PRKCA: variants seen among roughly 807,000 people sequenced by gnomAD.
PRKCA encodes the protein protein kinase C alpha.
In PRKCA, 27 loss-of-function variants were observed where a neutral mutation model predicts 87.0. That is an observed-to-expected ratio of 0.31 (90% confidence interval 0.23 to 0.43). The LOEUF is 0.43. Ranked by LOEUF, PRKCA falls within the 20% of genes least tolerant of loss-of-function variation. The probability of loss-of-function intolerance (pLI) is 1.00; values close to 1 mark genes in which losing one functional copy is unlikely to be tolerated. For missense variants in PRKCA, 518 were observed against 852.3 expected, an observed-to-expected ratio of 0.61 and a Z score of 4.88; for synonymous variants, 329 against 311.1, an observed-to-expected ratio of 1.06 and a Z score of -0.61.
chr17:66,806,116 C>G lies in PRKCA; in HGVS notation c.*2079C>G, dbSNP rs1332829061. 6.6e-6 allele frequency: 1 copy of G among 152,250 alleles called. No homozygotes were observed. The highest frequency in any genetic ancestry group is 6.5e-5 in the Admixed American group (1 of 15,282). 9.4% of individuals were successfully genotyped at this position (152,250 alleles called of 1,614,324 possible). Reference sequence around the variant, plus strand: ...CCCCATGCAAGGTCCTCAGAGTAGCCGGGTTCTACCACAAACAGAAACAGA... The same window carrying G: ...CCCCATGCAAGGTCCTCAGAGTAGCGGGGTTCTACCACAAACAGAAACAGA... On this transcript the variant is annotated 3_prime_UTR_variant, in exon 17 of 17. Transcript: ENST00000413366.
chr17:66,491,384 G>A (rs1187620909), intron 2 of PRKCA, among the ~76,000 whole-genome samples: 4 of 152,178 alleles, frequency 2.6e-5, no homozygotes, highest in Non-Finnish European at 5.9e-5. Context: ...GCAAAGACTT[G>A]TTTAAGGGCC....
intron 2 of PRKCA, among the ~76,000 whole-genome samples, chr17:66,307,504 AAG>A (rs1904883347): frequency 6.6e-6 from 1 of 152,176 alleles, no homozygotes; most frequent in Non-Finnish European, 1.5e-5. Flanking sequence ...ATAAATCTAT[AAG>A]AAAATTTTTG....
chr17:66,474,240 G>C (rs1296851124), intron 2 of PRKCA, among the ~76,000 whole-genome samples: 6 of 152,146 alleles, frequency 3.9e-5, no homozygotes, highest in Non-Finnish European at 8.8e-5. Flanking sequence ...TAACACCGAT[G>C]GTGCTATTGA....
At chr17:66,652,112 C>T (rs1240126513) in intron 5 of PRKCA, among the ~76,000 whole-genome samples, 1 of 152,116 alleles carries the variant, frequency 6.6e-6, no homozygotes, top group Non-Finnish European at 1.5e-5. Context: ...GTGTGTGCCA[C>T]CATGCCCGGC....
chr17:66,637,632 A>G (rs1971180194), intron 3 of PRKCA, among the ~76,000 whole-genome samples: 1 of 151,958 alleles, frequency 6.6e-6, no homozygotes, highest in East Asian at 1.9e-4. Flanking sequence ...TGCCTCGAGG[A>G]TATCATTAAT....
intron 8 of PRKCA, among the ~76,000 whole-genome samples, chr17:66,721,135 A>G (rs906805613): frequency 1.3e-5 from 2 of 152,066 alleles, no homozygotes; most frequent in African/African-American, 2.4e-5. Flanking sequence ...AGTGGCTCAC[A>G]CCTGTAATCC....
At chr17:66,304,580 A>G (rs1426461899) in intron 1 of PRKCA, among the ~76,000 whole-genome samples, 3 of 152,204 alleles carry the variant, frequency 2.0e-5, no homozygotes, top group Admixed American at 6.5e-5. Flanking sequence ...ATCTTGGGCC[A>G]CTAGGGTGAG....
chr17:66,455,046 A>T (rs1269015399), intron 2 of PRKCA, among the ~76,000 whole-genome samples: 1 of 152,160 alleles, frequency 6.6e-6, no homozygotes, highest in Non-Finnish European at 1.5e-5. Flanking sequence ...GAAACTGGGG[A>T]TGGAGGGAAC....
intron 2 of PRKCA, among the ~76,000 whole-genome samples, chr17:66,414,755 C>T (rs764046103): frequency 2.6e-5 from 4 of 152,130 alleles, no homozygotes; most frequent in Non-Finnish European, 5.9e-5. Context: ...GCCAGGTGTA[C>T]TGTACTGGAG....
At chr17:66,698,790 G>A (rs71379992) in intron 8 of PRKCA, among the ~76,000 whole-genome samples, 128 of 146,456 alleles carry the variant, frequency 8.7e-4, no homozygotes, top group East Asian at 5.6e-3. Context: ...CCTGGCCAAC[G>A]TAGCAAAACC....
At position 66,302,636 on chromosome 17, in the gene PRKCA, G is replaced by A. The variant is rs1314975933; in HGVS notation, c.-216G>A. 6 of 159,850 alleles carry A rather than the reference G, an allele frequency of 3.8e-5. No individual in the cohort carries two copies. The highest frequency in any genetic ancestry group is 2.0e-4 in the East Asian group (1 of 5,088). 9.9% of individuals were successfully genotyped at this position (159,850 alleles called of 1,614,324 possible). On this transcript the variant is annotated 5_prime_UTR_variant, in exon 1 of 17. Transcript: ENST00000413366. ...CTGTCAGTGAGCCTGGGGCCAGCGGGCGAGCCAGCGGCTCCGGCTCCCGCT... is the reference window on the plus strand; with the variant it reads ...CTGTCAGTGAGCCTGGGGCCAGCGGACGAGCCAGCGGCTCCGGCTCCCGCT...
At chr17:66,418,580 G>A (rs2143779574) in intron 2 of PRKCA, among the ~76,000 whole-genome samples, 1 of 151,098 alleles carries the variant, frequency 6.6e-6, no homozygotes, top group Non-Finnish European at 1.5e-5. Context: ...GGACTTACAG[G>A]TGCATGTCAC....
At chr17:66,386,496 T>C (rs996720542) in intron 2 of PRKCA, among the ~76,000 whole-genome samples, 8 of 152,188 alleles carry the variant, frequency 5.3e-5, no homozygotes, top group Non-Finnish European at 1.5e-5. Flanking sequence ...GTTTCCCCTC[T>C]GTAAAATGGG....
At position 66,411,065 on chromosome 17, in the gene PRKCA, TTTTTG is replaced by T. The variant is rs1358246378; in HGVS notation, c.206-85127_206-85123del. On this transcript the variant is annotated intron_variant, in intron 2 of 16. Transcript: ENST00000413366. ...TTGTATATATTCTCTGTTAATTCTG[TTTTTG>T]TTTTGTTTGTTTTGTTTTGGGGACA... 1.8e-4 allele frequency among the ~76,000 whole-genome samples: 28 copies of T among 152,138 alleles called. 1 individual carries two copies. The highest frequency in any genetic ancestry group is 6.7e-4 in the African/African-American group (28 of 41,526).
chr17:66,393,091 T>G lies in PRKCA; in HGVS notation c.205+86964T>G, dbSNP rs142529463. ...GACAACAGCTTGTGTGAAACGGAGGTGATTTTAAACATAAGCCAGTGGGTT... is the reference window on the plus strand; with the variant it reads ...GACAACAGCTTGTGTGAAACGGAGGGGATTTTAAACATAAGCCAGTGGGTT... On this transcript the variant is annotated intron_variant, in intron 2 of 16. Transcript: ENST00000413366. 2.7e-3 allele frequency among the ~76,000 whole-genome samples: 409 copies of G among 151,842 alleles called. 1 individual carries two copies. The highest frequency in any genetic ancestry group is 8.4e-3 in the African/African-American group (349 of 41,418).
chr17:66,392,004 G>T (rs1910385770), intron 2 of PRKCA, among the ~76,000 whole-genome samples: 1 of 152,242 alleles, frequency 6.6e-6, no homozygotes, highest in Non-Finnish European at 1.5e-5. Context: ...GCCGAGGCTG[G>T]CAGATCACAG....
intron 2 of PRKCA, among the ~76,000 whole-genome samples, chr17:66,491,299 A>G (rs1368728197): frequency 4.8e-3 from 1 of 210 alleles, no homozygotes; most frequent in Non-Finnish European, 7.9e-3. Flanking sequence ...TTATATAACC[A>G]GAGGTGACCA....
intron 3 of PRKCA, among the ~76,000 whole-genome samples, chr17:66,580,878 A>G (rs1223430333): frequency 6.6e-6 from 1 of 152,114 alleles, no homozygotes; most frequent in Non-Finnish European, 1.5e-5. Flanking sequence ...CTTTCTACCA[A>G]TGGGATCATA....
At chr17:66,687,749 G>A (rs903838848) in intron 6 of PRKCA, among the ~76,000 whole-genome samples, 1 of 152,182 alleles carries the variant, frequency 6.6e-6, no homozygotes, top group African/African-American at 2.4e-5. Context: ...GACATTTAAA[G>A]CCAGCCTGGG....
Sources: allele counts gnomAD v4.1 joint callset (sites outside exome capture counted in the v4.1 genomes callset), GRCh38; gene constraint gnomAD v4.1.1; transcripts MANE v1.5; gene names NCBI Gene and HGNC (gene_info 2026-07-23, HGNC 2026-07-21).